The following GANC variants were observed in gnomAD, a reference collection of about 807,000 sequenced individuals.
GANC encodes glucosidase alpha, neutral C, also known as neutral alpha-glucosidase C.
GANC carries 117 observed loss-of-function variants against 124.2 expected under a neutral mutation model. The ratio of observed to expected loss-of-function variants is 0.94; its 90% confidence interval spans 0.81 to 1.10. GANC has a LOEUF of 1.10. Ranked by LOEUF, GANC falls within the 50% of genes least tolerant of loss-of-function variation. GANC has a pLI of 0.00. For synonymous variants in GANC, 377 were observed against 376.8 expected (o/e 1.00, Z -0.01); for missense variants, 1,140 against 1,095.0 (o/e 1.04, Z -0.58).
In GANC at chr15:42,352,024, A is replaced by G. The variant is rs779987513; in HGVS notation, c.2636-6A>G. The stretch of plus-strand genomic sequence containing the variant: ...AATTTCCCTCTTTTATTGTCTTGCT[A>G]TTTAGATGGTAAAGATCAGCCTGTG... On this transcript the variant is annotated splice_region_variant and splice_polypyrimidine_tract_variant and intron_variant, in intron 23 of 23. Transcript: ENST00000318010. The G allele has an allele frequency of 2.5e-6, 4 of 1,613,970 alleles. No individual in the cohort carries two copies. Among genetic ancestry groups the G allele is most frequent in the East Asian group, 2.2e-5 (1 of 44,870 alleles).
chr15:42,322,883 G>A (rs895813408), intron 11 of GANC, among the ~76,000 whole-genome samples: 4 of 151,994 alleles, frequency 2.6e-5, no homozygotes, highest in Non-Finnish European at 5.9e-5. Context: ...GAAGGGGGGC[G>A]AAACCCTATG....
intron 5 of GANC, among the ~76,000 whole-genome samples, chr15:42,296,441 C>T (rs1043263286): frequency 6.6e-6 from 1 of 152,094 alleles, no homozygotes; most frequent in African/African-American, 2.4e-5. Flanking sequence ...GGCTGGAGTG[C>T]AGTGGTGCGA....
Position 42,319,954 on chromosome 15 carries a change from A to G in GANC, c.1058-1831A>G, listed in dbSNP as rs1441791746. Among the ~76,000 whole-genome samples, 8 of 152,096 alleles carry G rather than the reference A, an allele frequency of 5.3e-5. No homozygotes were observed. The East Asian group carries it at 1.2e-3, about 22-fold the overall frequency. ...AATCCCAGCACTTTGGGGAGCCAAGATGGGCGATCACCTAATGTCGGGAGT... is the reference window on the plus strand; with the variant it reads ...AATCCCAGCACTTTGGGGAGCCAAGGTGGGCGATCACCTAATGTCGGGAGT... On this transcript the variant is annotated intron_variant, in intron 10 of 23. Coordinates refer to ENST00000318010, the MANE Select transcript of GANC (RefSeq NM_198141.3).
intron 19 of GANC, 118 bp from the exon 20 acceptor site, chr15:42,345,640 T>C: frequency 1.6e-6 from 1 of 611,244 alleles, no homozygotes; most frequent in Non-Finnish European, 2.9e-6. Context: ...TTTTAAGTTA[T>C]ATTTATTTTA....
chr15:42,348,185 C>T lies in GANC; in HGVS notation c.2387C>T (p.Ser796Phe), dbSNP rs377240293. 1.9e-6 allele frequency: 3 copies of T among 1,612,336 alleles called. No homozygotes were observed. Among genetic ancestry groups the T allele is most frequent in the East Asian group, 2.2e-5 (1 of 44,802 alleles). ...GKSTGWMTES[S>F]YGLRVALSTK... is the part of the protein sequence containing the mutation. ...TCCACAGGCTGGATGACTGAATCCTCCTATGGACTCCGGGTTGCTCTAAGC... is the reference window on the plus strand; with the variant it reads ...TCCACAGGCTGGATGACTGAATCCTTCTATGGACTCCGGGTTGCTCTAAGC... The change falls in exon 21 of 24, where the codon TCC becomes TTC. Residue 796 changes from serine (S) to phenylalanine (F), a missense_variant. Transcript: ENST00000318010.
At chr15:42,293,854 G>A (rs564196624) in intron 5 of GANC, among the ~76,000 whole-genome samples, 1 of 151,662 alleles carries the variant, frequency 6.6e-6, no homozygotes, top group Admixed American at 6.5e-5. Context: ...TTTGAAGCCA[G>A]CCTGGGCAAC....
chr15:42,340,622 A>G, intron 17 of GANC, 68 bp from the exon 18 acceptor site: 1 of 1,272,442 alleles, frequency 7.9e-7, no homozygotes, highest in Non-Finnish European at 1.1e-6. Flanking sequence ...AAAAAACTAA[A>G]AATATAAGTG....
At chr15:42,335,311 A>G (rs969565494) in intron 15 of GANC, among the ~76,000 whole-genome samples, 3 of 152,212 alleles carry the variant, frequency 2.0e-5, no homozygotes. Context: ...TTGGTTTAAC[A>G]TACCCAAGTC....
intron 2 of GANC, among the ~76,000 whole-genome samples, 180 bp from the exon 3 acceptor site, chr15:42,278,297 CATCTT>C (rs1351661526): frequency 2.6e-5 from 4 of 152,216 alleles, no homozygotes; most frequent in Non-Finnish European, 4.4e-5. Flanking sequence ...TACTAATACT[CATCTT>C]ATTAGCATTC....
intron 21 of GANC, among the ~76,000 whole-genome samples, chr15:42,348,574 T>C (rs1168484537): frequency 6.6e-6 from 1 of 152,176 alleles, no homozygotes; most frequent in Non-Finnish European, 1.5e-5. Flanking sequence ...CTATGCACCA[T>C]TTCAGAGATC....
rs904451043 is a variant in GANC at position 42,294,273 on chromosome 15, G to A, written c.512+1356G>A. On this transcript the variant is annotated intron_variant, in intron 5 of 23. Transcript: ENST00000318010. ...GTCCTCTAGCTGCCCACTTTCCATC[G>A]TTGAAAGTAATGTGTTCTGGTCGGG... 1.9e-4 allele frequency among the ~76,000 whole-genome samples: 28 copies of A among 151,272 alleles called. 1 individual carries two copies. The highest frequency in any genetic ancestry group is 5.9e-4 in the African/African-American group (24 of 40,710).
intron 10 of GANC, 46 bp downstream of exon 10, chr15:42,310,892 A>G: frequency 1.9e-6 from 3 of 1,574,632 alleles, no homozygotes; most frequent in Middle Eastern, 1.7e-4. Context: ...TTACATATCC[A>G]ATGTCCCATG....
chr15:42,338,344 A>G (rs748434251), intron 15 of GANC, 45 bp from the exon 16 acceptor site: 3 of 1,358,814 alleles, frequency 2.2e-6, no homozygotes, highest in African/African-American at 1.4e-5. Flanking sequence ...AATTGAACGC[A>G]TGGGTTGATT....
chr15:42,294,469 A>G (rs12902082), intron 5 of GANC, among the ~76,000 whole-genome samples: 1 of 150,252 alleles, frequency 6.7e-6, no homozygotes, highest in Non-Finnish European at 1.5e-5. Context: ...CAGCTACTCA[A>G]GAGGCTGAGG....
chr15:42,275,490 G>T (rs1370872783), intron 1 of GANC, among the ~76,000 whole-genome samples: 2 of 152,102 alleles, frequency 1.3e-5, no homozygotes, highest in East Asian at 1.9e-4. Flanking sequence ...ATAATATTTC[G>T]ACGTTTGTGT....
At chr15:42,310,921 A>G (rs1226433765) in intron 10 of GANC, 75 bp downstream of exon 10, 2 of 1,493,338 alleles carry the variant, frequency 1.3e-6, no homozygotes, top group African/African-American at 2.8e-5. Flanking sequence ...CGGTAAGTTA[A>G]TATTTGTTGT....
chr15:42,295,673 CA>C (rs1011748993), intron 5 of GANC, among the ~76,000 whole-genome samples: 316 of 150,092 alleles, frequency 2.1e-3, no homozygotes, highest in Non-Finnish European at 1.4e-3. Context: ...CACACACACA[CA>C]CACACACACA....
intron 3 of GANC, among the ~76,000 whole-genome samples, chr15:42,286,428 A>C (rs1406375048): frequency 1.3e-5 from 2 of 152,250 alleles, no homozygotes. Context: ...ATGTTTAAAT[A>C]GTGAGAAAAT....
Position 42,352,929 on chromosome 15 carries a change from C to A in GANC, c.*790C>A. 2.1e-6 allele frequency: 1 copy of A among 483,408 alleles called. No individual in the cohort carries two copies. Among genetic ancestry groups the A allele is most frequent in the Non-Finnish European group, 2.7e-6 (1 of 371,528 alleles). 29.9% of individuals were successfully genotyped at this position (483,408 alleles called of 1,614,324 possible). A position where few individuals can be genotyped will look rare whatever the true frequency, so the allele number is the denominator to read the frequency against. ...TAGGATGAGGCAAGGGAGACCCTGG[C>A]CTTGGGCACAAAATGTAAGGGATGC... On this transcript the variant is annotated 3_prime_UTR_variant, in exon 24 of 24. Transcript: ENST00000318010.
Sources: allele counts gnomAD v4.1 joint callset (sites outside exome capture counted in the v4.1 genomes callset), GRCh38; gene constraint gnomAD v4.1.1; transcripts MANE v1.5; gene names NCBI Gene and HGNC (gene_info 2026-07-23, HGNC 2026-07-21).